The following COL24A1 variants were observed in gnomAD, a reference collection of about 807,000 sequenced individuals.
COL24A1 encodes collagen alpha-1(XXIV) chain.
In COL24A1, 224 loss-of-function variants were observed where a neutral mutation model predicts 253.9. The ratio of observed to expected loss-of-function variants is 0.88; its 90% CI spans 0.79 to 0.99. The LOEUF is 0.99. Ranked by LOEUF, COL24A1 falls within the 50% of genes least tolerant of loss-of-function variation. The pLI, the probability that COL24A1 is intolerant of heterozygous loss-of-function variation, is 0.00. For synonymous variants in COL24A1, 685 were observed against 673.7 expected (o/e 1.02, Z -0.26); for missense variants, 2,131 against 2,068.5 (o/e 1.03, Z -0.59).
chr1:85,739,637 T>C (rs968306296), intron 57 of COL24A1, among the ~76,000 whole-genome samples: 2 of 152,348 alleles, frequency 1.3e-5, no homozygotes, highest in Non-Finnish European at 2.9e-5. Flanking sequence ...TCATTTACTA[T>C]TTTTCTATGA....
chr1:85,908,515 A>C, intron 27 of COL24A1, 83 bp downstream of exon 27: 1 of 786,016 alleles, frequency 1.3e-6, no homozygotes, highest in East Asian at 3.0e-5. Flanking sequence ...TTGAATAAAA[A>C]CCAACAATAA....
rs1437375427 is a variant in COL24A1 at position 85,971,480 on chromosome 1, A to G, written c.2365-87T>C. On this transcript the variant is annotated intron_variant, in intron 20 of 59. Transcript: ENST00000370571. ...CAGCATTAATGTGGAGATGGACAAT[A>G]CTCTTTGAAACCATTCATTTCCCAT... 5.6e-6 allele frequency: 6 copies of G among 1,071,098 alleles called. No homozygotes were observed. The African/African-American group carries it at 9.7e-5, about 17-fold the overall frequency. 66.3% of individuals were successfully genotyped at this position (1,071,098 alleles called of 1,614,324 possible). A position where few individuals can be genotyped will look rare whatever the true frequency, so the allele number is the denominator to read the frequency against.
intron 37 of COL24A1, among the ~76,000 whole-genome samples, chr1:85,850,257 A>G (rs575582928): frequency 1.8e-4 from 27 of 152,260 alleles, no homozygotes; most frequent in African/African-American, 5.3e-4. Context: ...TAATCACAAC[A>G]TTCCCTGCAT....
intron 39 of COL24A1, among the ~76,000 whole-genome samples, chr1:85,845,842 C>T (rs895539667): frequency 6.6e-6 from 1 of 151,568 alleles, no homozygotes; most frequent in African/African-American, 2.4e-5. Context: ...AATATGTAAG[C>T]AGATTTGAGT....
At chr1:86,064,127 T>A (rs1701310207) in intron 7 of COL24A1, among the ~76,000 whole-genome samples, 2 of 152,098 alleles carry the variant, frequency 1.3e-5, no homozygotes, top group South Asian at 4.1e-4. Context: ...TTAGTTTTAG[T>A]TGAATAGTGC....
chr1:86,124,196 T>C (rs908017510), intron 3 of COL24A1, among the ~76,000 whole-genome samples: 12 of 139,930 alleles, frequency 8.6e-5, no homozygotes, highest in Non-Finnish European at 1.4e-4. Flanking sequence ...CAGTTTTGTT[T>C]ACATGATATT....
rs6675115 is a variant in COL24A1 at position 85,771,055 on chromosome 1, C to G, written c.4374+4619G>C. ...AAGAAGTGATTGGCGGGTTCTTAAA[C>G]ATCTTTAGGGTTTATCAGATTTCAC... On this transcript the variant is annotated intron_variant, in intron 53 of 59. Transcript: ENST00000370571. Among the ~76,000 whole-genome samples, 969 of 152,262 alleles carry G rather than the reference C, an allele frequency of 6.4e-3. 8 individuals carry two copies. Among genetic ancestry groups the G allele is most frequent in the African/African-American group, 0.022 (897 of 41,562 alleles).
chr1:85,867,832 C>T (rs1216311577), intron 37 of COL24A1, among the ~76,000 whole-genome samples: 1 of 152,152 alleles, frequency 6.6e-6, no homozygotes, highest in Non-Finnish European at 1.5e-5. Context: ...GTAACCTCTG[C>T]CTCCTGGGTT....
At chr1:86,144,623 T>C (rs1455202620) in intron 2 of COL24A1, among the ~76,000 whole-genome samples, 1 of 152,158 alleles carries the variant, frequency 6.6e-6, no homozygotes, top group African/African-American at 2.4e-5. Context: ...AATTAATAAT[T>C]GTATTCTTCT....
intron 35 of COL24A1, 69 bp from the exon 36 acceptor site, chr1:85,868,904 G>A (rs993488088): frequency 3.5e-6 from 4 of 1,132,088 alleles, no homozygotes; most frequent in Non-Finnish European, 5.1e-6. Context: ...TTTATTTTTA[G>A]CCCATAGTAT....
At chr1:85,871,438 A>C (rs1217627253) in intron 35 of COL24A1, among the ~76,000 whole-genome samples, 1 of 152,252 alleles carries the variant, frequency 6.6e-6, no homozygotes, top group Non-Finnish European at 1.5e-5. Flanking sequence ...TTCAGTGGAA[A>C]AATCCTTGAT....
intron 10 of COL24A1, among the ~76,000 whole-genome samples, chr1:86,056,844 ACT>A (rs1441251704): frequency 6.7e-6 from 1 of 149,756 alleles, no homozygotes; most frequent in African/African-American, 2.5e-5. Flanking sequence ...ACAGAGTAAG[ACT>A]CTGTCTCACC....
chr1:86,013,199 A>C (rs1474845805), intron 19 of COL24A1, among the ~76,000 whole-genome samples: 1 of 152,174 alleles, frequency 6.6e-6, no homozygotes, highest in Non-Finnish European at 1.5e-5. Context: ...TCAGATATTA[A>C]CTTAAACCTT....
At chr1:85,771,634 G>A (rs992523954) in intron 53 of COL24A1, among the ~76,000 whole-genome samples, 17 of 152,022 alleles carry the variant, frequency 1.1e-4, no homozygotes, top group African/African-American at 4.1e-4. Flanking sequence ...GGATTGCTGG[G>A]TCAAATGGTA....
chr1:86,046,975 C>T, intron 11 of COL24A1, 106 bp from the exon 12 acceptor site: 1 of 752,988 alleles, frequency 1.3e-6, no homozygotes, highest in Non-Finnish European at 2.4e-6. Flanking sequence ...AAGACAAAAA[C>T]AAATTGTTCT....
At chr1:85,809,980 C>G (rs1276812806) in intron 47 of COL24A1, among the ~76,000 whole-genome samples, 1 of 151,804 alleles carries the variant, frequency 6.6e-6, no homozygotes, top group Admixed American at 6.6e-5. Flanking sequence ...TCCACCAAAC[C>G]CTGGCAGCCC....
intron 12 of COL24A1, among the ~76,000 whole-genome samples, chr1:86,036,699 C>T (rs1014760404): frequency 2.6e-5 from 4 of 152,080 alleles, no homozygotes; most frequent in Non-Finnish European, 5.9e-5. Flanking sequence ...AAATGGTCTT[C>T]AAGATTGGTT....
intron 37 of COL24A1, among the ~76,000 whole-genome samples, chr1:85,865,655 G>A (rs545114094): frequency 1.3e-5 from 2 of 152,004 alleles, no homozygotes; most frequent in Non-Finnish European, 2.9e-5. Context: ...TCTTAATTCT[G>A]TTTTTTCCCT....
At chr1:85,774,241 GC>G (rs1397303045) in intron 53 of COL24A1, among the ~76,000 whole-genome samples, 1 of 152,148 alleles carries the variant, frequency 6.6e-6, no homozygotes, top group Non-Finnish European at 1.5e-5. Context: ...TGGTGGGTAA[GC>G]TTTTTGATGT....
Sources: gnomAD v4.1 joint callset for allele counts (sites outside exome capture counted in the v4.1 genomes callset) on GRCh38, gnomAD v4.1.1 for gene constraint, MANE v1.5 for transcripts, NCBI Gene and HGNC (gene_info 2026-07-23, HGNC 2026-07-21) for gene names.